Variants in COG5 observed in about 807,000 individuals in gnomAD.
The protein encoded by COG5 is conserved oligomeric Golgi complex subunit 5.
In COG5, 86 loss-of-function variants were observed where a neutral mutation model predicts 110.4. The observed-to-expected ratio is 0.78, with a 90% CI of 0.65 to 0.93. The LOEUF is 0.93. COG5 is among the 40% of genes least tolerant of loss of function. COG5 has a pLI of 0.00. For synonymous variants in COG5, 360 were observed against 334.6 expected, an observed-to-expected ratio of 1.08 and a Z score of -0.83; for missense variants, 1,077 against 987.0, an observed-to-expected ratio of 1.09 and a Z score of -1.22.
chr7:107,515,403 T>C (rs1293454728), intron 6 of COG5, among the ~76,000 whole-genome samples: 1 of 152,204 alleles, frequency 6.6e-6, no homozygotes, highest in Non-Finnish European at 1.5e-5. Context: ...CGGTAACCTA[T>C]ACATTTCAAC....
intron 12 of COG5, among the ~76,000 whole-genome samples, chr7:107,293,115 T>A (rs542387116): frequency 4.6e-4 from 70 of 152,218 alleles, no homozygotes; most frequent in Non-Finnish European, 8.4e-4. Flanking sequence ...GGAAGGCAAT[T>A]GCATGAGGTC....
At chr7:107,349,500 G>C (rs1811937205) in intron 10 of COG5, among the ~76,000 whole-genome samples, 1 of 151,650 alleles carries the variant, frequency 6.6e-6, no homozygotes, top group Admixed American at 6.6e-5. Flanking sequence ...CCAGGTTCAA[G>C]TGATTCTCTC....
At chr7:107,318,649 C>T (rs1808976200) in intron 11 of COG5, among the ~76,000 whole-genome samples, 1 of 152,158 alleles carries the variant, frequency 6.6e-6, no homozygotes, top group South Asian at 2.1e-4. Flanking sequence ...CTGATGGCCT[C>T]CCTCTTGCTA....
At chr7:107,211,296 T>A (rs1799156853) in intron 19 of COG5, 71 bp from the exon 20 acceptor site, 2 of 1,541,328 alleles carry the variant, frequency 1.3e-6, no homozygotes, top group Admixed American at 3.3e-5. Context: ...GGAGAATCAT[T>A]CTCCTTGTAG....
chr7:107,328,421 A>G (rs1344138589), intron 10 of COG5, among the ~76,000 whole-genome samples: 1 of 152,224 alleles, frequency 6.6e-6, no homozygotes, highest in Non-Finnish European at 1.5e-5. Flanking sequence ...TGTACTTACA[A>G]TAGAACACTC....
chr7:107,551,603 C>A (rs1332380824), intron 3 of COG5, among the ~76,000 whole-genome samples: 1 of 151,956 alleles, frequency 6.6e-6, no homozygotes, highest in African/African-American at 2.4e-5. Flanking sequence ...AACCAATTCA[C>A]ATTTAAAGTT....
chr7:107,350,924 A>G (rs760986496), intron 10 of COG5, among the ~76,000 whole-genome samples: 23 of 152,146 alleles, frequency 1.5e-4, no homozygotes, highest in Non-Finnish European at 3.2e-4. Flanking sequence ...CAACTATTTT[A>G]TCTTTACATG....
At chr7:107,332,754 C>T (rs901471155) in intron 10 of COG5, among the ~76,000 whole-genome samples, 24 of 151,954 alleles carry the variant, frequency 1.6e-4, no homozygotes, top group African/African-American at 5.8e-4. Context: ...CTTACTGAAA[C>T]CTGAGTGTGA....
intron 17 of COG5, among the ~76,000 whole-genome samples, chr7:107,238,555 A>G (rs758080777): frequency 1.8e-4 from 28 of 152,270 alleles, no homozygotes; most frequent in Admixed American, 1.0e-3. Context: ...TTCTGTTTTT[A>G]GTTTTTTGAG....
chr7:107,272,297 C>T (rs1171226086), intron 14 of COG5, among the ~76,000 whole-genome samples: 3 of 152,166 alleles, frequency 2.0e-5, no homozygotes, highest in East Asian at 1.9e-4. Flanking sequence ...AAGAATGCAA[C>T]GATTTATTTC....
At chr7:107,448,676 A>C (rs966219222) in intron 6 of COG5, among the ~76,000 whole-genome samples, 1 of 152,184 alleles carries the variant, frequency 6.6e-6, no homozygotes, top group Non-Finnish European at 1.5e-5. Flanking sequence ...ATGTCTAATA[A>C]GCACCTCAAA....
chr7:107,302,291 A>G (rs563148617), intron 11 of COG5, among the ~76,000 whole-genome samples: 5 of 152,206 alleles, frequency 3.3e-5, no homozygotes, highest in African/African-American at 9.7e-5. Flanking sequence ...ATGCTAAATC[A>G]TTCAATTTGT....
At chr7:107,378,358 C>G (rs1188393964) in intron 7 of COG5, among the ~76,000 whole-genome samples, 1 of 152,136 alleles carries the variant, frequency 6.6e-6, no homozygotes, top group Non-Finnish European at 1.5e-5. Flanking sequence ...ACCAGAATGC[C>G]TCTTCTCTTC....
chr7:107,561,556 G>C (rs1029111122), intron 1 of COG5, among the ~76,000 whole-genome samples: 2 of 152,330 alleles, frequency 1.3e-5, no homozygotes, highest in African/African-American at 2.4e-5. Flanking sequence ...TCCATTTGTC[G>C]TATGTGCAAG....
At chr7:107,518,924 CA>C (rs1360026877) in intron 6 of COG5, among the ~76,000 whole-genome samples, 7 of 152,286 alleles carry the variant, frequency 4.6e-5, no homozygotes, top group African/African-American at 1.7e-4. Context: ...CACTTGTCAG[CA>C]AATGCAAAAG....
chr7:107,289,850 G>A (rs1278454082), intron 12 of COG5, among the ~76,000 whole-genome samples: 4 of 152,138 alleles, frequency 2.6e-5, no homozygotes, highest in African/African-American at 7.2e-5. Flanking sequence ...GAAAATTTCA[G>A]CTTTGTTCCT....
intron 5 of COG5, among the ~76,000 whole-genome samples, chr7:107,531,636 A>AG (rs1801206085): frequency 1.7e-5 from 2 of 118,624 alleles, no homozygotes; most frequent in Non-Finnish European, 1.7e-5. Context: ...TTAGTCGGTG[A>AG]GGGCGGGGGG....
At chr7:107,430,576 T>C (rs528206309) in intron 6 of COG5, among the ~76,000 whole-genome samples, 18 of 152,348 alleles carry the variant, frequency 1.2e-4, no homozygotes, top group Non-Finnish European at 1.9e-4. Flanking sequence ...TTTTAGAATT[T>C]GTTTTAGCTA....
chr7:107,562,227 G>A (rs1192956493), intron 1 of COG5, among the ~76,000 whole-genome samples: 1 of 152,212 alleles, frequency 6.6e-6, no homozygotes, highest in Non-Finnish European at 1.5e-5. Flanking sequence ...TCACTGTGGA[G>A]AATGGCAGAG....
Sources: allele counts gnomAD v4.1 joint callset (sites outside exome capture counted in the v4.1 genomes callset), GRCh38; gene constraint gnomAD v4.1.1; transcripts MANE v1.5; gene names NCBI Gene and HGNC (gene_info 2026-07-23, HGNC 2026-07-21).